Variants in SH2B2 observed in about 807,000 individuals in gnomAD.
SH2B2 encodes SH2B adaptor protein 2, also known as SH2B adapter protein 2.
SH2B2 carries 37 observed loss-of-function variants against 35.7 expected under a neutral mutation model. The ratio of observed to expected loss-of-function variants is 1.04; its 90% CI spans 0.80 to 1.36. The LOEUF (loss-of-function observed/expected upper bound fraction) is 1.36. Ranked by LOEUF, SH2B2 falls within the 40% of genes most tolerant of loss-of-function variation. The pLI is 0.00. For missense variants in SH2B2, 852 were observed against 817.7 expected (o/e 1.04, Z -0.51); for synonymous variants, 383 against 376.4 (o/e 1.02, Z -0.20).
upstream of SH2B2, among the ~76,000 whole-genome samples, chr7:102,286,725 T>C (rs1303101972): frequency 8.0e-6 from 1 of 125,330 alleles, no homozygotes; most frequent in Non-Finnish European, 1.7e-5. Flanking sequence ...GCTCCGCGGA[T>C]GGCCGGGGGC....
chr7:102,311,527 T>C (rs1273795073), intron 4 of SH2B2, among the ~76,000 whole-genome samples: 1 of 150,224 alleles, frequency 6.7e-6, no homozygotes, highest in African/African-American at 2.5e-5. Flanking sequence ...AGTGCTGGGA[T>C]TACAGGCGTG....
In SH2B2 at chr7:102,314,544, G is replaced by T. The variant is rs1001591210; in HGVS notation, c.1048G>T (p.Ala350Ser). 1.3e-5 allele frequency: 5 copies of T among 398,750 alleles called. No individual in the cohort carries two copies. Among genetic ancestry groups the T allele is most frequent in the Admixed American group, 4.4e-5 (1 of 22,716 alleles). The allele number at this position is 398,750 out of a possible 1,614,324, so 24.7% of individuals were successfully genotyped here. ...CCTGCCCCGCCCCCCAGAGACGACA[G>T]CCGTGGGTGCAGTGGTGACAGCCCC... ...VDLPRPPETT[A>S]VGAVVTAPHS... Residue 350 changes from alanine to serine, a missense_variant, in exon 6 of 9, where the codon GCC becomes TCC. By Grantham distance (99) the Ala-to-Ser change is moderately conservative (BLOSUM62 1). Transcript: ENST00000444095.
intron 4 of SH2B2, among the ~76,000 whole-genome samples, chr7:102,311,461 G>A (rs1316748276): frequency 6.6e-6 from 1 of 151,654 alleles, no homozygotes; most frequent in East Asian, 1.9e-4. Context: ...CCCCATGGTG[G>A]TCAGGCTCGT....
At chr7:102,310,058 A>G (rs113396698) in intron 4 of SH2B2, among the ~76,000 whole-genome samples, 6,433 of 152,246 alleles carry the variant, frequency 0.042, 447 homozygotes, top group African/African-American at 0.15. Context: ...GTTCATGCCC[A>G]TAGTCCCAGC....
chr7:102,312,552 C>T (rs1793667538), intron 4 of SH2B2, among the ~76,000 whole-genome samples: 1 of 152,196 alleles, frequency 6.6e-6, no homozygotes. Flanking sequence ...AGCATTCCTT[C>T]CTTCTGGGTG....
rs71123035 is a variant in SH2B2, at chr7:102,299,197, C to CTTTTTT, written c.-29-1311_-29-1306dup. On this transcript the variant is annotated intron_variant, in intron 1 of 8. Coordinates refer to ENST00000444095, the MANE Select transcript of SH2B2 (RefSeq NM_001359228.2). ...TACAGGCATGAGCCACCGCGCCTGGCTTTTTTTTTTTTTTTTTTTGAGGTG... is the reference window on the plus strand; with the variant it reads ...TACAGGCATGAGCCACCGCGCCTGGCTTTTTTTTTTTTTTTTTTTTTTTTTGAGGTG... 7.6e-3 allele frequency among the ~76,000 whole-genome samples: 186 copies of CTTTTTT among 24,622 alleles called. 54 individuals are homozygous for CTTTTTT. The highest frequency in any genetic ancestry group is 0.032 in the African/African-American group (166 of 5,114). The allele number at this position is 24,622 out of a possible 152,430, so 16.2% of individuals were successfully genotyped here.
At chr7:102,289,308 C>G (rs1226704336) in intron 1 of SH2B2, among the ~76,000 whole-genome samples, 1 of 152,076 alleles carries the variant, frequency 6.6e-6, no homozygotes, top group African/African-American at 2.4e-5. Context: ...AAGAGACAGG[C>G]CACAGCCATG....
At chr7:102,304,212 G>C (rs1793305179) in intron 2 of SH2B2, among the ~76,000 whole-genome samples, 1 of 152,134 alleles carries the variant, frequency 6.6e-6, no homozygotes, top group Non-Finnish European at 1.5e-5. Flanking sequence ...TCAGGAGCTC[G>C]GGGCCTGCAG....
intron 2 of SH2B2, among the ~76,000 whole-genome samples, chr7:102,305,301 T>C (rs1554554634): frequency 6.6e-6 from 1 of 152,234 alleles, no homozygotes; most frequent in East Asian, 1.9e-4. Context: ...GGTGTCACTC[T>C]GTCGCCCAGG....
chr7:102,291,924 C>T (rs1266133711), intron 1 of SH2B2, among the ~76,000 whole-genome samples: 1 of 152,074 alleles, frequency 6.6e-6, no homozygotes, highest in Non-Finnish European at 1.5e-5. Context: ...GGGAGGGGTG[C>T]AGAGAGGAGG....
At chr7:102,317,482 T>A (rs781928670) in intron 7 of SH2B2, 87 bp downstream of exon 7, 2 of 1,251,146 alleles carry the variant, frequency 1.6e-6, no homozygotes, top group Non-Finnish European at 2.2e-6. Flanking sequence ...GGCTGTGCCC[T>A]GGAAGCAGCT....
intron 2 of SH2B2, among the ~76,000 whole-genome samples, chr7:102,304,620 G>A (rs531318328): frequency 1.3e-5 from 2 of 152,238 alleles, no homozygotes; most frequent in South Asian, 2.1e-4. Context: ...GGCACAGTGC[G>A]TTGTGGCTGG....
At position 102,306,814 on chromosome 7, in the gene SH2B2, G is replaced by T; in HGVS notation, c.823G>T (p.Val275Phe). The T allele has an allele frequency of 1.9e-6, 3 of 1,580,008 alleles. No individual in the cohort carries two copies. Among genetic ancestry groups the T allele is most frequent in the Non-Finnish European group, 2.6e-6 (3 of 1,163,154 alleles). The change falls in exon 3 of 9, where the codon GTC becomes TTC. Residue 275 changes from valine (V) to phenylalanine (F), a missense_variant. Physicochemically the swap from Val to Phe is conservative, Grantham distance 50. Coordinates refer to ENST00000444095, the MANE Select transcript of SH2B2 (RefSeq NM_001359228.2). The part of the protein sequence containing the change: ...LEMPEKDNTF[V>F]LKVENGAEYI... The stretch of plus-strand genomic sequence containing the variant: ...AATGCCAGAGAAGGATAACACATTC[G>T]TCCTCAAGGTGAGGTCTCACCCCTA...
At chr7:102,315,487 C>T (rs1256845672) in intron 6 of SH2B2, among the ~76,000 whole-genome samples, 1 of 151,962 alleles carries the variant, frequency 6.6e-6, no homozygotes, top group African/African-American at 2.4e-5. Context: ...CGCCACCTCG[C>T]CTGGCTCATT....
At chr7:102,293,635 CCAA>C (rs1480823114) in intron 1 of SH2B2, among the ~76,000 whole-genome samples, 1 of 152,048 alleles carries the variant, frequency 6.6e-6, no homozygotes, top group African/African-American at 2.4e-5. Flanking sequence ...TCCTTTGTCT[CCAA>C]CGCCAGTCCT....
chr7:102,317,019 TC>T, intron 6 of SH2B2, 167 bp from the exon 7 acceptor site: 1 of 602,932 alleles, frequency 1.7e-6, no homozygotes, highest in South Asian at 2.5e-5. Context: ...CGAAACTTCG[TC>T]TCAAAAAAAA....
chr7:102,300,481 T>G lies in SH2B2; in HGVS notation c.-29-41T>G. ...AGGAGGGGACAGGTGGGCGCATTGATCACAGGCCTGAAAGTCACTGCGCGC... is the reference window on the plus strand; with the variant it reads ...AGGAGGGGACAGGTGGGCGCATTGAGCACAGGCCTGAAAGTCACTGCGCGC... On this transcript the variant is annotated intron_variant, in intron 1 of 8. Coordinates refer to ENST00000444095, the MANE Select transcript of SH2B2 (RefSeq NM_001359228.2). 5 of 1,490,694 alleles carry G rather than the reference T, an allele frequency of 3.4e-6. No homozygotes were observed. In the South Asian group the frequency reaches 5.2e-5, roughly 16 times the overall value. The allele number at this position is 1,490,694 out of a possible 1,614,324, so 92.3% of individuals were successfully genotyped here. A position where few individuals can be genotyped will look rare whatever the true frequency, so the allele number is the denominator to read the frequency against.
intron 4 of SH2B2, among the ~76,000 whole-genome samples, chr7:102,313,563 A>G (rs1233808851): frequency 4.6e-5 from 7 of 152,180 alleles, no homozygotes; most frequent in African/African-American, 1.7e-4. Context: ...CTAGGATTAC[A>G]AACATGAGCC....
chr7:102,289,732 C>T (rs1215753912), intron 1 of SH2B2, among the ~76,000 whole-genome samples: 1 of 151,574 alleles, frequency 6.6e-6, no homozygotes, highest in African/African-American at 2.4e-5. Context: ...AAGGGGGTAT[C>T]CTGCAGGTTT....
Sources: allele counts gnomAD v4.1 joint callset (sites outside exome capture counted in the v4.1 genomes callset), GRCh38; gene constraint gnomAD v4.1.1; transcripts MANE v1.5; gene names NCBI Gene and HGNC (gene_info 2026-07-23, HGNC 2026-07-21).